Variants in CDH4 observed in about 807,000 individuals in gnomAD.
CDH4 encodes the protein cadherin-4.
A neutral mutation model predicts 86.0 loss-of-function variants in CDH4; 33 were observed. The observed-to-expected ratio is 0.38, with a 90% CI of 0.29 to 0.51. CDH4 has a LOEUF of 0.51. Ranked by LOEUF, CDH4 falls within the 20% of genes least tolerant of loss-of-function variation. The pLI is 0.86. For missense variants in CDH4, 1,114 were observed against 1,307.4 expected, an observed-to-expected ratio of 0.85 and a Z score of 2.28; for synonymous variants, 555 against 549.4, an observed-to-expected ratio of 1.01 and a Z score of -0.14.
At chr20:61,449,703 A>C (rs1437910368) in intron 2 of CDH4, among the ~76,000 whole-genome samples, 1 of 152,258 alleles carries the variant, frequency 6.6e-6, no homozygotes, top group Non-Finnish European at 1.5e-5. Flanking sequence ...TTTGATCTAC[A>C]AATACCTTTT....
chr20:61,500,704 T>C (rs919939678), intron 2 of CDH4, among the ~76,000 whole-genome samples: 1 of 152,258 alleles, frequency 6.6e-6, no homozygotes, highest in Non-Finnish European at 1.5e-5. Context: ...GAACTGTCTC[T>C]GCAGCATTAG....
chr20:61,832,449 G>A (rs6061365), intron 4 of CDH4, among the ~76,000 whole-genome samples: 65,200 of 152,068 alleles, frequency 0.43, 16,324 homozygotes, highest in Non-Finnish European at 0.58. Flanking sequence ...TCACACTGCT[G>A]TAAAGATACT....
At chr20:61,710,137 C>T (rs2087874337) in intron 2 of CDH4, among the ~76,000 whole-genome samples, 1 of 152,086 alleles carries the variant, frequency 6.6e-6, no homozygotes, top group Admixed American at 6.5e-5. Flanking sequence ...GTCTGCATAG[C>T]CCTAGGCACT....
At chr20:61,425,657 C>T (rs2085209517) in intron 2 of CDH4, among the ~76,000 whole-genome samples, 1 of 152,264 alleles carries the variant, frequency 6.6e-6, no homozygotes, top group African/African-American at 2.4e-5. Flanking sequence ...GACGGCGCAG[C>T]CTGGACAGGA....
Position 61,743,807 on chromosome 20 carries a change from G to T in CDH4, c.396+18G>T. On this transcript the variant is annotated intron_variant, in intron 3 of 15. Coordinates refer to ENST00000614565, the MANE Select transcript of CDH4 (RefSeq NM_001794.5). ...GACACAAGGTAAGGTGTGACCGCCC[G>T]GGTCTGCGCTGGAGTTTAGATGACC... 6.4e-7 allele frequency: 1 copy of T among 1,555,810 alleles called. No homozygotes were observed. Among genetic ancestry groups the T allele is most frequent in the East Asian group, 2.3e-5 (1 of 42,684 alleles).
At chr20:61,442,786 A>C (rs1021381160) in intron 2 of CDH4, among the ~76,000 whole-genome samples, 9 of 152,228 alleles carry the variant, frequency 5.9e-5, no homozygotes, top group African/African-American at 2.2e-4. Flanking sequence ...TATGCTGATA[A>C]AAAAATACAC....
intron 2 of CDH4, among the ~76,000 whole-genome samples, chr20:61,608,846 A>C (rs2086663887): frequency 6.6e-6 from 1 of 152,092 alleles, no homozygotes; most frequent in Non-Finnish European, 1.5e-5. Flanking sequence ...GACCTCCTAG[A>C]TCACAGCAGA....
intron 5 of CDH4, among the ~76,000 whole-genome samples, chr20:61,851,838 T>C (rs751777623): frequency 6.6e-6 from 1 of 152,030 alleles, no homozygotes; most frequent in Non-Finnish European, 1.5e-5. Flanking sequence ...GATGGCTTCT[T>C]CTCTTCCCGG....
chr20:61,300,734 T>A (rs1247891299), intron 2 of CDH4, among the ~76,000 whole-genome samples: 1 of 152,100 alleles, frequency 6.6e-6, no homozygotes, highest in Non-Finnish European at 1.5e-5. Context: ...TCCAGGACAC[T>A]CATGGGTCCC....
At chr20:61,759,782 A>G (rs2088610318) in intron 3 of CDH4, among the ~76,000 whole-genome samples, 1 of 152,200 alleles carries the variant, frequency 6.6e-6, no homozygotes, top group Non-Finnish European at 1.5e-5. Flanking sequence ...GCACTAGGCG[A>G]GACCCGAGAC....
chr20:61,553,530 A>G (rs1404266236), intron 2 of CDH4, among the ~76,000 whole-genome samples: 2 of 152,222 alleles, frequency 1.3e-5, no homozygotes, highest in Non-Finnish European at 2.9e-5. Flanking sequence ...ATCCTTGTGC[A>G]TGTCCTTGAT....
At chr20:61,602,157 G>T (rs899917324) in intron 2 of CDH4, among the ~76,000 whole-genome samples, 3 of 152,162 alleles carry the variant, frequency 2.0e-5, no homozygotes, top group Admixed American at 6.5e-5. Flanking sequence ...ATCATGTGCT[G>T]GGCTCGGAGG....
At chr20:61,929,316 T>G (rs2055079897) in intron 12 of CDH4, among the ~76,000 whole-genome samples, 1 of 152,174 alleles carries the variant, frequency 6.6e-6, no homozygotes, top group Non-Finnish European at 1.5e-5. Flanking sequence ...TTTGTATTTT[T>G]TACTAGAGAC....
chr20:61,584,633 A>G (rs1217862553), intron 2 of CDH4, among the ~76,000 whole-genome samples: 3 of 152,148 alleles, frequency 2.0e-5, no homozygotes, highest in Non-Finnish European at 4.4e-5. Flanking sequence ...GCATGAATAG[A>G]TTTTTGCTAA....
intron 2 of CDH4, among the ~76,000 whole-genome samples, chr20:61,675,720 G>A (rs1441541685): frequency 1.0e-5 from 1 of 98,896 alleles, no homozygotes; most frequent in Non-Finnish European, 2.0e-5. Context: ...AACAACCATC[G>A]TAGGGCTGAG....
chr20:61,831,984 C>T (rs1981639981), intron 4 of CDH4, among the ~76,000 whole-genome samples: 1 of 150,402 alleles, frequency 6.6e-6, no homozygotes, highest in African/African-American at 2.4e-5. Flanking sequence ...CATCCACTTC[C>T]TCCTTCCATC....
chr20:61,359,677 A>G (rs1202561890), intron 2 of CDH4, among the ~76,000 whole-genome samples: 2 of 152,194 alleles, frequency 1.3e-5, no homozygotes, highest in African/African-American at 4.8e-5. Context: ...CAGCTTTAGC[A>G]AGAAAGGCAG....
intron 2 of CDH4, among the ~76,000 whole-genome samples, chr20:61,728,940 C>T (rs981298103): frequency 9.9e-5 from 15 of 152,200 alleles, no homozygotes; most frequent in African/African-American, 3.4e-4. Flanking sequence ...CAGGACACCG[C>T]TGGCCCTGGG....
chr20:61,864,677 G>A (rs539047992), intron 6 of CDH4, among the ~76,000 whole-genome samples: 85 of 152,300 alleles, frequency 5.6e-4, no homozygotes, highest in African/African-American at 1.5e-3. Context: ...CCTTGCCAGC[G>A]CGGACGGCGC....
Sources: gnomAD v4.1 joint callset for allele counts (sites outside exome capture counted in the v4.1 genomes callset) on GRCh38, gnomAD v4.1.1 for gene constraint, MANE v1.5 for transcripts, NCBI Gene and HGNC (gene_info 2026-07-23, HGNC 2026-07-21) for gene names.